NR6A1: variants seen among roughly 807,000 people sequenced by gnomAD.
NR6A1 encodes the protein retinoic acid receptor-related testis-associated receptor.
A neutral mutation model predicts 59.1 loss-of-function variants in NR6A1; 7 were observed. The ratio of observed to expected loss-of-function variants is 0.12; its 90% CI spans 0.07 to 0.22. The LOEUF (loss-of-function observed/expected upper bound fraction) is 0.22. NR6A1 is among the 10% of genes least tolerant of loss of function. The pLI, the probability that NR6A1 is intolerant of heterozygous loss-of-function variation, is 1.00. For missense variants in NR6A1, 468 were observed against 611.6 expected, an observed-to-expected ratio of 0.77 and a Z score of 2.48; for synonymous variants, 243 against 236.1, an observed-to-expected ratio of 1.03 and a Z score of -0.27.
At chr9:124,708,952 G>A (rs1028155350) in intron 2 of NR6A1, among the ~76,000 whole-genome samples, 21 of 152,196 alleles carry the variant, frequency 1.4e-4, no homozygotes, top group Admixed American at 1.2e-3. Flanking sequence ...AAGACCAAGA[G>A]CTCTGGGTCT....
At chr9:124,534,128 A>C (rs959825759) in intron 7 of NR6A1, among the ~76,000 whole-genome samples, 6 of 148,384 alleles carry the variant, frequency 4.0e-5, no homozygotes, top group African/African-American at 1.5e-4. Flanking sequence ...GCTGGAGTGC[A>C]ATGGCACAAT....
intron 2 of NR6A1, among the ~76,000 whole-genome samples, chr9:124,635,985 A>G (rs941069698): frequency 1.3e-5 from 2 of 152,222 alleles, no homozygotes; most frequent in Non-Finnish European, 2.9e-5. Flanking sequence ...GCAATGAATA[A>G]AAGTTCTTGC....
chr9:124,674,134 T>C (rs576224933), intron 2 of NR6A1, among the ~76,000 whole-genome samples: 1 of 152,330 alleles, frequency 6.6e-6, no homozygotes, highest in Admixed American at 6.5e-5. Flanking sequence ...GTACAATGCC[T>C]GACCCATAGT....
chr9:124,665,559 C>T (rs1035466628), intron 2 of NR6A1, among the ~76,000 whole-genome samples: 1 of 152,166 alleles, frequency 6.6e-6, no homozygotes, highest in Admixed American at 6.5e-5. Flanking sequence ...TAAAGCGAGT[C>T]TGGGTATGAA....
At chr9:124,768,433 A>C (rs753221246) in intron 1 of NR6A1, among the ~76,000 whole-genome samples, 1 of 152,262 alleles carries the variant, frequency 6.6e-6, no homozygotes, top group Middle Eastern at 3.2e-3. Context: ...TTCTGTGAGC[A>C]TGTTAACTTC....
chr9:124,575,999 G>A (rs933245718), intron 2 of NR6A1, among the ~76,000 whole-genome samples: 33 of 152,186 alleles, frequency 2.2e-4, no homozygotes, highest in African/African-American at 8.0e-4. Flanking sequence ...ATCTGAGTGA[G>A]CTTCTAATTC....
intron 2 of NR6A1, among the ~76,000 whole-genome samples, chr9:124,624,242 A>G (rs746781973): frequency 2.4e-4 from 37 of 152,314 alleles, no homozygotes; most frequent in African/African-American, 8.4e-4. Flanking sequence ...GCAAATGATG[A>G]TAAGTTCTAT....
Position 124,749,857 on chromosome 9 carries a change from A to G in NR6A1, c.101-16508T>C, listed in dbSNP as rs544213921. On this transcript the variant is annotated intron_variant, in intron 1 of 9. Coordinates refer to ENST00000487099, the MANE Select transcript of NR6A1 (RefSeq NM_033334.4). ...TAGAAGTTCCTCTTCTAGCATTAAC[A>G]TACATTAGCACAAACATAAGGTTAG... 6.0e-4 allele frequency among the ~76,000 whole-genome samples: 91 copies of G among 152,362 alleles called. 1 individual carries two copies. The South Asian group carries it at 0.018, about 31-fold the overall frequency.
chr9:124,637,968 C>T (rs1306819505), intron 2 of NR6A1, among the ~76,000 whole-genome samples: 5 of 150,824 alleles, frequency 3.3e-5, no homozygotes, highest in Admixed American at 6.6e-5. Flanking sequence ...AATGGGGCTG[C>T]GCATGATAGC....
At chr9:124,662,120 A>AT (rs1355487457) in intron 2 of NR6A1, among the ~76,000 whole-genome samples, 5 of 152,056 alleles carry the variant, frequency 3.3e-5, no homozygotes, top group Admixed American at 2.0e-4. Flanking sequence ...GTCCAGGTCC[A>AT]TTTTTTTCCC....
At chr9:124,611,749 TAGAG>T (rs34197337) in intron 2 of NR6A1, among the ~76,000 whole-genome samples, 98 of 91,418 alleles carry the variant, frequency 1.1e-3, no homozygotes, top group East Asian at 1.5e-3. Flanking sequence ...GACCCTGTCT[TAGAG>T]AGAGAGAGAG....
chr9:124,659,286 C>CG (rs972573635), intron 2 of NR6A1, among the ~76,000 whole-genome samples: 5 of 106,496 alleles, frequency 4.7e-5, no homozygotes, highest in Non-Finnish European at 9.5e-5. Context: ...GGGGCGGGAG[C>CG]GGGGGGGCGG....
intron 1 of NR6A1, among the ~76,000 whole-genome samples, chr9:124,748,949 T>C (rs902144628): frequency 5.3e-5 from 8 of 150,294 alleles, no homozygotes; most frequent in East Asian, 2.0e-4. Flanking sequence ...ACCTAGCATA[T>C]AGCAAATGTT....
chr9:124,623,526 ATTTT>A (rs60023969), intron 2 of NR6A1, among the ~76,000 whole-genome samples: 1 of 139,522 alleles, frequency 7.2e-6, no homozygotes, highest in African/African-American at 2.6e-5. Flanking sequence ...TGCCTGGCTA[ATTTT>A]TTTTTTTTTT....
chr9:124,599,928 T>C (rs983734992), intron 2 of NR6A1, among the ~76,000 whole-genome samples: 1 of 152,222 alleles, frequency 6.6e-6, no homozygotes, highest in Non-Finnish European at 1.5e-5. Context: ...TTTATTCAAA[T>C]AGACGCTCTC....
chr9:124,716,654 C>A (rs62581825), intron 2 of NR6A1, among the ~76,000 whole-genome samples: 1 of 152,076 alleles, frequency 6.6e-6, no homozygotes, highest in South Asian at 2.1e-4. Flanking sequence ...TTTTTTGAGA[C>A]CAAGTCCCGT....
At chr9:124,571,662 T>G (rs1319707697) in intron 2 of NR6A1, among the ~76,000 whole-genome samples, 1 of 152,114 alleles carries the variant, frequency 6.6e-6, no homozygotes, top group Non-Finnish European at 1.5e-5. Context: ...ATGGCTTTGT[T>G]CCTGAAAAGC....
At chr9:124,758,955 T>C (rs1300296786) in intron 1 of NR6A1, among the ~76,000 whole-genome samples, 2 of 152,202 alleles carry the variant, frequency 1.3e-5, no homozygotes, top group Non-Finnish European at 2.9e-5. Flanking sequence ...CTCCTCCATT[T>C]TTATAGGTGG....
At chr9:124,738,727 G>A (rs973448274) in intron 1 of NR6A1, among the ~76,000 whole-genome samples, 2 of 152,012 alleles carry the variant, frequency 1.3e-5, no homozygotes, top group East Asian at 1.9e-4. Flanking sequence ...AAATTGGGCC[G>A]GGTGCAGCGG....
Sources: allele counts gnomAD v4.1 joint callset (sites outside exome capture counted in the v4.1 genomes callset), GRCh38; gene constraint gnomAD v4.1.1; transcripts MANE v1.5; gene names NCBI Gene and HGNC (gene_info 2026-07-23, HGNC 2026-07-21).